CNTNAP5: variants seen among roughly 807,000 people sequenced by gnomAD.
CNTNAP5 encodes contactin associated protein family member 5.
In CNTNAP5, 72 loss-of-function variants were observed where a neutral mutation model predicts 150.2. That is an observed-to-expected ratio of 0.48 (90% CI 0.40 to 0.58). The LOEUF (loss-of-function observed/expected upper bound fraction) is 0.58, where lower values mean the gene tolerates loss of function less well. CNTNAP5 is among the 20% of genes least tolerant of loss of function. The pLI is 0.00. For missense variants in CNTNAP5, 1,636 were observed against 1,626.2 expected, an observed-to-expected ratio of 1.01 and a Z score of -0.10; for synonymous variants, 672 against 619.8, an observed-to-expected ratio of 1.08 and a Z score of -1.25.
At position 124,317,712 on chromosome 2, in the gene CNTNAP5, G is replaced by A. The variant is rs531116691; in HGVS notation, c.381+75319G>A. Among the ~76,000 whole-genome samples, 4 of 152,232 alleles carry A rather than the reference G, an allele frequency of 2.6e-5. No homozygotes were observed. In the East Asian group the frequency reaches 7.7e-4, roughly 29 times the overall value. On this transcript the variant is annotated intron_variant, in intron 3 of 23. Coordinates refer to ENST00000682447, the MANE Select transcript of CNTNAP5 (RefSeq NM_001367498.1). Reference sequence around the variant, plus strand: ...TCTAAGAGCCAGTTGAGATATCCAAGTACAGTTGCCCAATTGCAGATCACT... The same window carrying A: ...TCTAAGAGCCAGTTGAGATATCCAAATACAGTTGCCCAATTGCAGATCACT...
intron 7 of CNTNAP5, among the ~76,000 whole-genome samples, chr2:124,489,728 C>T (rs1040919446): frequency 1.3e-5 from 2 of 152,100 alleles, no homozygotes; most frequent in African/African-American, 4.8e-5. Flanking sequence ...GCCATTCCAA[C>T]CCTCCATCTT....
chr2:124,346,961 T>G (rs1321846896), intron 3 of CNTNAP5, among the ~76,000 whole-genome samples: 1 of 149,036 alleles, frequency 6.7e-6, no homozygotes, highest in Non-Finnish European at 1.5e-5. Flanking sequence ...TGGTGGTGCG[T>G]GCCTGTAGTC....
intron 3 of CNTNAP5, among the ~76,000 whole-genome samples, chr2:124,314,252 C>T (rs144815131): frequency 5.9e-5 from 9 of 152,292 alleles, no homozygotes; most frequent in African/African-American, 1.9e-4. Context: ...CATTCTATTA[C>T]TGATTTCCGT....
chr2:124,780,526 G>A (rs969431624), intron 17 of CNTNAP5, among the ~76,000 whole-genome samples: 3 of 152,164 alleles, frequency 2.0e-5, no homozygotes, highest in East Asian at 1.9e-4. Context: ...CTTGGCCATC[G>A]ACTTTAAAGA....
intron 1 of CNTNAP5, among the ~76,000 whole-genome samples, chr2:124,101,986 C>A (rs1018819667): frequency 8.5e-5 from 13 of 152,150 alleles, no homozygotes; most frequent in Admixed American, 7.9e-4. Flanking sequence ...TTGCTGACAG[C>A]GTATCACTGA....
chr2:124,065,783 C>T (rs1319665086), intron 1 of CNTNAP5, among the ~76,000 whole-genome samples: 2 of 152,080 alleles, frequency 1.3e-5, no homozygotes, highest in Non-Finnish European at 2.9e-5. Context: ...CAGTTTAACA[C>T]GGTTGAGCTA....
At chr2:124,648,168 A>G (rs1175710419) in intron 13 of CNTNAP5, among the ~76,000 whole-genome samples, 1 of 152,184 alleles carries the variant, frequency 6.6e-6, no homozygotes, top group Non-Finnish European at 1.5e-5. Context: ...CACCTTTCAA[A>G]GTTTTCTCCT....
intron 1 of CNTNAP5, among the ~76,000 whole-genome samples, chr2:124,085,723 G>A (rs1195202158): frequency 6.6e-6 from 1 of 152,054 alleles, no homozygotes; most frequent in African/African-American, 2.4e-5. Flanking sequence ...TCAGTTTGAT[G>A]TATTTTTTAT....
rs1001863876 is a variant in CNTNAP5 at position 124,230,480 on chromosome 2, T to C, written c.187+8671T>C. ...ATCTAATCTACTCTGTTTTATTTTT[T>C]ATTTATTTCTTTTGTGTGTGTGTGT... is the stretch of plus-strand genomic sequence containing the variant. On this transcript the variant is annotated intron_variant, in intron 2 of 23. Coordinates refer to ENST00000682447, the MANE Select transcript of CNTNAP5 (RefSeq NM_001367498.1). Among the ~76,000 whole-genome samples, 7 of 145,014 alleles carry C rather than the reference T, an allele frequency of 4.8e-5. No homozygotes were observed. In the South Asian group the frequency reaches 1.5e-3, roughly 30 times the overall value.
intron 3 of CNTNAP5, among the ~76,000 whole-genome samples, chr2:124,335,253 C>G (rs1486561879): frequency 6.6e-6 from 1 of 151,822 alleles, no homozygotes; most frequent in Non-Finnish European, 1.5e-5. Flanking sequence ...AACAAAAGGC[C>G]CTTAGGGATG....
chr2:124,457,872 T>A (rs1157200729), intron 6 of CNTNAP5, among the ~76,000 whole-genome samples: 7 of 152,104 alleles, frequency 4.6e-5, no homozygotes, highest in Admixed American at 6.6e-5. Context: ...GATACCATCT[T>A]ACTCCTGCAA....
intron 20 of CNTNAP5, among the ~76,000 whole-genome samples, chr2:124,866,808 T>C (rs1300555086): frequency 6.6e-6 from 1 of 152,150 alleles, no homozygotes; most frequent in Non-Finnish European, 1.5e-5. Context: ...TTTTTTAATC[T>C]GTTCTCCTGT....
chr2:124,766,221 A>G (rs1178585774), intron 16 of CNTNAP5, among the ~76,000 whole-genome samples: 2 of 152,142 alleles, frequency 1.3e-5, no homozygotes, highest in Non-Finnish European at 2.9e-5. Context: ...TACCATGACC[A>G]TAAAGACTCA....
chr2:124,205,553 G>A (rs1388600269), intron 1 of CNTNAP5, among the ~76,000 whole-genome samples: 2 of 151,874 alleles, frequency 1.3e-5, no homozygotes, highest in Non-Finnish European at 2.9e-5. Flanking sequence ...CAAGTAGCTG[G>A]GACTACAGGT....
chr2:124,525,815 T>C (rs1409874793), intron 9 of CNTNAP5, among the ~76,000 whole-genome samples: 1 of 152,106 alleles, frequency 6.6e-6, no homozygotes, highest in Admixed American at 6.6e-5. Context: ...GTAGGTAATA[T>C]CCCCACTTAA....
At chr2:124,499,400 G>A (rs986991396) in intron 7 of CNTNAP5, among the ~76,000 whole-genome samples, 3 of 152,226 alleles carry the variant, frequency 2.0e-5, no homozygotes, top group Admixed American at 2.0e-4. Context: ...GTCAGGAAAG[G>A]TCTGGGCATG....
intron 13 of CNTNAP5, among the ~76,000 whole-genome samples, chr2:124,732,043 T>A (rs1680283288): frequency 6.6e-6 from 1 of 152,118 alleles, no homozygotes; most frequent in Non-Finnish European, 1.5e-5. Context: ...TCTTAGTATA[T>A]TTTACTTAGA....
intron 13 of CNTNAP5, among the ~76,000 whole-genome samples, chr2:124,653,473 G>A (rs952478850): frequency 1.3e-5 from 2 of 151,446 alleles, no homozygotes; most frequent in Non-Finnish European, 2.9e-5. Context: ...ATACTATATA[G>A]TATATGCTAT....
At chr2:124,886,395 C>A (rs563331483) in intron 21 of CNTNAP5, among the ~76,000 whole-genome samples, 3 of 152,160 alleles carry the variant, frequency 2.0e-5, no homozygotes, top group Non-Finnish European at 4.4e-5. Context: ...CTCTTGGTTG[C>A]AAATCTATCC....
Sources: allele counts gnomAD v4.1 joint callset (sites outside exome capture counted in the v4.1 genomes callset), GRCh38; gene constraint gnomAD v4.1.1; transcripts MANE v1.5; gene names NCBI Gene and HGNC (gene_info 2026-07-23, HGNC 2026-07-21).